CCSER1: variants seen among roughly 807,000 people sequenced by gnomAD.
The protein encoded by CCSER1 is serine-rich coiled-coil domain-containing protein 1.
In CCSER1, 41 loss-of-function variants were observed where a neutral mutation model predicts 82.0. The observed-to-expected ratio is 0.50, with a 90% CI of 0.39 to 0.65. The LOEUF (loss-of-function observed/expected upper bound fraction) is 0.65. Among genes scored for constraint, CCSER1 ranks in the 30% least tolerant of loss-of-function variants. The pLI is 0.00. For synonymous variants in CCSER1, 414 were observed against 383.9 expected, an observed-to-expected ratio of 1.08 and a Z score of -0.92; for missense variants, 1,119 against 1,064.2, an observed-to-expected ratio of 1.05 and a Z score of -0.72.
chr4:91,089,565 G>A (rs188755608), intron 10 of CCSER1, among the ~76,000 whole-genome samples: 23 of 152,110 alleles, frequency 1.5e-4, no homozygotes, highest in East Asian at 7.7e-4. Flanking sequence ...ATGTCTTCCC[G>A]TGCAATAGAT....
Position 91,603,282 on chromosome 4 carries a change from A to AACTT in CCSER1, c.*4226_*4229dup, listed in dbSNP as rs1226991539. On this transcript the variant is annotated 3_prime_UTR_variant, in exon 11 of 11. Coordinates refer to ENST00000509176, the MANE Select transcript of CCSER1 (RefSeq NM_001145065.2). ...TATTTTTGAAATTTTGTTCTGTGCC[A>AACTT]ACTTGTTTCACCATGTTAAACTGCA... The AACTT allele has an allele frequency of 1.3e-5, 2 of 152,120 alleles. No individual in the cohort carries two copies. Among genetic ancestry groups the AACTT allele is most frequent in the South Asian group, 2.1e-4 (1 of 4,836 alleles). 9.4% of individuals were successfully genotyped at this position (152,120 alleles called of 1,614,324 possible).
At chr4:91,340,635 T>G (rs1747661023) in intron 10 of CCSER1, among the ~76,000 whole-genome samples, 1 of 152,190 alleles carries the variant, frequency 6.6e-6, no homozygotes, top group South Asian at 2.1e-4. Context: ...ACATGCTATC[T>G]TCTATCATAC....
chr4:90,368,010 T>A (rs192776606), intron 3 of CCSER1, among the ~76,000 whole-genome samples: 76 of 152,066 alleles, frequency 5.0e-4, no homozygotes, highest in Admixed American at 1.0e-3. Context: ...TCCTGTTAGG[T>A]TCTGAAATTC....
In CCSER1 at chr4:91,003,837, C is replaced by T. The variant is rs146790353; in HGVS notation, c.2172+80390C>T. 4.4e-3 allele frequency among the ~76,000 whole-genome samples: 672 copies of T among 152,284 alleles called. 7 individuals are homozygous for T. Among genetic ancestry groups the T allele is most frequent in the African/African-American group, 0.015 (631 of 41,560 alleles). On this transcript the variant is annotated intron_variant, in intron 9 of 10. Coordinates refer to ENST00000509176, the MANE Select transcript of CCSER1 (RefSeq NM_001145065.2). The stretch of plus-strand genomic sequence containing the variant: ...TGCCTCTGGCTGCCCTCCCCAAGGG[C>T]CTCTGAGAGGCAGGGAAGAAATGGC...
At chr4:91,099,249 T>G (rs866042440) in intron 10 of CCSER1, among the ~76,000 whole-genome samples, 4 of 152,188 alleles carry the variant, frequency 2.6e-5, no homozygotes, top group Non-Finnish European at 5.9e-5. Flanking sequence ...TTGTATAATA[T>G]CAGTGATGAC....
intron 10 of CCSER1, among the ~76,000 whole-genome samples, chr4:91,226,756 C>T (rs535726885): frequency 4.8e-4 from 73 of 151,884 alleles, no homozygotes; most frequent in African/African-American, 1.7e-3. Flanking sequence ...TAAACTTGTA[C>T]ATTTCATTTG....
At chr4:91,036,431 A>G (rs554254986) in intron 9 of CCSER1, among the ~76,000 whole-genome samples, 2 of 152,184 alleles carry the variant, frequency 1.3e-5, no homozygotes, top group African/African-American at 2.4e-5. Context: ...ATTAAAGTCA[A>G]TGTGTCCAAA....
chr4:91,445,980 A>G (rs996758119), intron 10 of CCSER1, among the ~76,000 whole-genome samples: 6 of 152,106 alleles, frequency 3.9e-5, no homozygotes, highest in Non-Finnish European at 7.4e-5. Context: ...AGAAATGACT[A>G]TTATTTTTGA....
intron 10 of CCSER1, among the ~76,000 whole-genome samples, chr4:91,565,002 T>C (rs931025109): frequency 3.3e-5 from 5 of 150,942 alleles, no homozygotes; most frequent in African/African-American, 1.2e-4. Flanking sequence ...GGGTTTTAAA[T>C]TTAAGTCTTT....
chr4:90,443,446 A>G (rs1760190050), intron 4 of CCSER1, among the ~76,000 whole-genome samples: 1 of 152,086 alleles, frequency 6.6e-6, no homozygotes, highest in Non-Finnish European at 1.5e-5. Flanking sequence ...CAAAGGGAAG[A>G]CTCACATCCT....
intron 4 of CCSER1, among the ~76,000 whole-genome samples, chr4:90,444,571 T>C (rs1760363973): frequency 6.6e-6 from 1 of 152,054 alleles, no homozygotes; most frequent in Non-Finnish European, 1.5e-5. Flanking sequence ...ATATTTACAC[T>C]TCCCATGGTA....
rs1754581811 is a variant in CCSER1, at chr4:91,435,268, T to A, written c.2218-163304T>A. ...CAGCGTAGACAAGATGATGAAACTC[T>A]GTCTCTACAAAAAATATTTAAAAGT... On this transcript the variant is annotated intron_variant, in intron 10 of 10. Coordinates refer to ENST00000509176, the MANE Select transcript of CCSER1 (RefSeq NM_001145065.2). Among the ~76,000 whole-genome samples the A allele has an allele frequency of 2.6e-5, 4 of 152,056 alleles. 1 individual carries two copies. The highest frequency in any genetic ancestry group is 2.6e-4 in the Admixed American group (4 of 15,266).
In CCSER1 at chr4:90,714,051, G is replaced by A. The variant is rs555274726; in HGVS notation, c.1933-9863G>A. ...CCAGTATGAGAACCTGGAAATTTCA[G>A]TTGAAAACGTTGAATTCATTCGCCC... On this transcript the variant is annotated intron_variant, in intron 6 of 10. Transcript: ENST00000509176. Among the ~76,000 whole-genome samples the A allele has an allele frequency of 2.2e-4, 34 of 151,982 alleles. No individual in the cohort carries two copies. In the South Asian group the frequency reaches 6.9e-3, roughly 31 times the overall value.
intron 10 of CCSER1, among the ~76,000 whole-genome samples, chr4:91,470,613 T>A (rs983423045): frequency 1.3e-5 from 2 of 152,152 alleles, no homozygotes; most frequent in Non-Finnish European, 2.9e-5. Flanking sequence ...TATAGACTTT[T>A]ATCTCTCATG....
At chr4:91,242,771 A>G (rs1293420394) in intron 10 of CCSER1, among the ~76,000 whole-genome samples, 1 of 152,198 alleles carries the variant, frequency 6.6e-6, no homozygotes, top group African/African-American at 2.4e-5. Context: ...TCCAAACTAC[A>G]TAAAAGAACT....
intron 7 of CCSER1, among the ~76,000 whole-genome samples, chr4:90,782,494 G>T (rs1297136765): frequency 6.6e-6 from 1 of 152,078 alleles, no homozygotes; most frequent in Non-Finnish European, 1.5e-5. Context: ...TTTAGTGGGT[G>T]TTGAAACAAA....
intron 10 of CCSER1, among the ~76,000 whole-genome samples, chr4:91,166,917 A>G (rs891334997): frequency 5.3e-5 from 8 of 152,156 alleles, no homozygotes; most frequent in Non-Finnish European, 8.8e-5. Flanking sequence ...ATTTACAAAG[A>G]TAAGCTAAAA....
intron 9 of CCSER1, among the ~76,000 whole-genome samples, chr4:90,980,477 T>A (rs953448035): frequency 6.6e-6 from 1 of 151,844 alleles, no homozygotes; most frequent in Non-Finnish European, 1.5e-5. Flanking sequence ...ACAGGCATTA[T>A]GTGATTTGAC....
chr4:90,810,829 A>ATTTTTT (rs1561177977), intron 7 of CCSER1, among the ~76,000 whole-genome samples: 2 of 117,734 alleles, frequency 1.7e-5, no homozygotes, highest in African/African-American at 6.5e-5. Context: ...ATAAAGAGTA[A>ATTTTTT]TTCTTTTTTT....
Sources: allele counts gnomAD v4.1 joint callset (sites outside exome capture counted in the v4.1 genomes callset), GRCh38; gene constraint gnomAD v4.1.1; transcripts MANE v1.5; gene names NCBI Gene and HGNC (gene_info 2026-07-23, HGNC 2026-07-21).